NCOA7: variants seen among roughly 807,000 people sequenced by gnomAD.
The protein encoded by NCOA7 is nuclear receptor coactivator 7, also known as 140 kDa estrogen receptor-associated protein.
Under a neutral mutation model 104.3 loss-of-function variants are expected in NCOA7, and 45 were observed. The observed-to-expected ratio is 0.43, with a 90% CI of 0.34 to 0.55. NCOA7 has a LOEUF of 0.55. NCOA7 is among the 20% of genes least tolerant of loss of function. The pLI is 0.02. For missense variants in NCOA7, 1,041 were observed against 1,119.7 expected, an observed-to-expected ratio of 0.93 and a Z score of 1.00; for synonymous variants, 398 against 402.3, an observed-to-expected ratio of 0.99 and a Z score of 0.13.
chr6:125,861,743 A>G (rs975512882), intron 3 of NCOA7, among the ~76,000 whole-genome samples: 1 of 152,098 alleles, frequency 6.6e-6, no homozygotes, highest in Non-Finnish European at 1.5e-5. Flanking sequence ...AAGGAATGAA[A>G]GTGATAAGAG....
chr6:125,785,877 T>C (rs1774441640), intron 1 of NCOA7, among the ~76,000 whole-genome samples: 1 of 152,252 alleles, frequency 6.6e-6, no homozygotes, highest in South Asian at 2.1e-4. Context: ...TCCATGTCTA[T>C]ATACAGCAAT....
chr6:125,888,873 T>A, intron 8 of NCOA7, 66 bp from the exon 9 acceptor site: 1 of 1,274,860 alleles, frequency 7.8e-7, no homozygotes, highest in Non-Finnish European at 1.1e-6. Flanking sequence ...TTTTTGCCTT[T>A]CCTCCATTTT....
upstream of NCOA7, among the ~76,000 whole-genome samples, chr6:125,787,130 A>G (rs1774510075): frequency 6.6e-6 from 1 of 151,904 alleles, no homozygotes; most frequent in Non-Finnish European, 1.5e-5. Flanking sequence ...TGGAAGAAAA[A>G]AAAAAAAAAA....
chr6:125,891,135 A>G (rs912103092), intron 10 of NCOA7, among the ~76,000 whole-genome samples: 1 of 152,208 alleles, frequency 6.6e-6, no homozygotes, highest in Admixed American at 6.5e-5. Context: ...AAGGAATACT[A>G]TGGAGCAGAT....
At chr6:125,851,116 A>C (rs1182635574) in intron 2 of NCOA7, among the ~76,000 whole-genome samples, 1 of 152,130 alleles carries the variant, frequency 6.6e-6, no homozygotes, top group Non-Finnish European at 1.5e-5. Context: ...ATTATTAATT[A>C]TATGATTATT....
At chr6:125,856,789 T>G (rs1781600023) in intron 3 of NCOA7, among the ~76,000 whole-genome samples, 1 of 152,112 alleles carries the variant, frequency 6.6e-6, no homozygotes, top group African/African-American at 2.4e-5. Flanking sequence ...GCAAATACGG[T>G]AAATGAAATG....
chr6:125,823,881 G>T (rs776148042), intron 2 of NCOA7, among the ~76,000 whole-genome samples: 31 of 152,038 alleles, frequency 2.0e-4, no homozygotes, highest in Non-Finnish European at 5.9e-5. Context: ...GACTGAAATA[G>T]AAAATATCAG....
At chr6:125,926,375 A>G (rs1453554919) in intron 13 of NCOA7, among the ~76,000 whole-genome samples, 1 of 151,812 alleles carries the variant, frequency 6.6e-6, no homozygotes. Context: ...TTAAAATTCT[A>G]TGGAGGGTGT....
intron 5 of NCOA7, 47 bp downstream of exon 5, chr6:125,878,417 C>A: frequency 7.3e-7 from 1 of 1,360,956 alleles, no homozygotes; most frequent in South Asian, 1.3e-5. Flanking sequence ...CTGCATTTAT[C>A]TTTTATTGCC....
At chr6:125,911,592 G>A (rs1786556567) in intron 10 of NCOA7, among the ~76,000 whole-genome samples, 1 of 152,056 alleles carries the variant, frequency 6.6e-6, no homozygotes, top group South Asian at 2.1e-4. Flanking sequence ...TAATCCTAGG[G>A]GTTGCAGAAG....
intron 3 of NCOA7, among the ~76,000 whole-genome samples, chr6:125,857,530 C>T (rs867757724): frequency 2.6e-5 from 4 of 151,688 alleles, no homozygotes; most frequent in South Asian, 4.2e-4. Flanking sequence ...CCTCGAAGTC[C>T]GACCAGCAAT....
At position 125,855,109 on chromosome 6, in the gene NCOA7, C is replaced by T; in HGVS notation, c.140C>T (p.Thr47Ile). 6.2e-7 allele frequency: 1 copy of T among 1,612,810 alleles called. No individual in the cohort carries two copies. The highest frequency in any genetic ancestry group is 2.2e-5 in the East Asian group (1 of 44,836). ...CATACTGGGAAGGAAGATAATAATA[C>T]AGTAGTTTTAGAGCCAGACAAGTGC... ...RTHTGKEDNN[T>I]VVLEPDKCNI... The change falls in exon 3 of 16, where the codon ACA becomes ATA. Residue 47 changes from threonine (T) to isoleucine (I), a missense_variant. Thr to Ile is a moderately conservative substitution (Grantham distance 89). This residue lies in a region of NCOA7 where 914 missense variants were observed against 942.7 expected (regional missense o/e 0.97). Coordinates refer to ENST00000392477, the MANE Select transcript of NCOA7 (RefSeq NM_181782.5).
intron 1 of NCOA7, among the ~76,000 whole-genome samples, chr6:125,784,268 T>C (rs901613550): frequency 2.0e-5 from 3 of 152,190 alleles, no homozygotes; most frequent in African/African-American, 7.2e-5. Flanking sequence ...AGGTACTATG[T>C]TGGACACCAA....
chr6:125,846,263 G>A (rs1232067539), intron 2 of NCOA7, among the ~76,000 whole-genome samples: 2 of 151,932 alleles, frequency 1.3e-5, no homozygotes, highest in African/African-American at 2.4e-5. Flanking sequence ...AAATTCTGCA[G>A]TGGAAGGAAA....
In NCOA7 at chr6:125,911,711, A is replaced by G. The variant is rs1161917302; in HGVS notation, c.2097-3622A>G. Among the ~76,000 whole-genome samples the G allele has an allele frequency of 2.0e-5, 3 of 152,010 alleles. No homozygotes were observed. The South Asian group carries it at 6.2e-4, about 31-fold the overall frequency. ...AGGGTAGAGAGGAGCTGAGTCAGAA[A>G]GCATTGGTCCATTAAGCATCGTGAC... On this transcript the variant is annotated intron_variant, in intron 10 of 15. Coordinates refer to ENST00000392477, the MANE Select transcript of NCOA7 (RefSeq NM_181782.5).
chr6:125,800,734 A>G (rs1408066320), intron 1 of NCOA7, among the ~76,000 whole-genome samples: 1 of 152,196 alleles, frequency 6.6e-6, no homozygotes, highest in African/African-American at 2.4e-5. Flanking sequence ...TAATTATAAA[A>G]TGACACAAGG....
chr6:125,907,423 C>T (rs768332373), intron 10 of NCOA7, among the ~76,000 whole-genome samples: 1 of 152,222 alleles, frequency 6.6e-6, no homozygotes, highest in South Asian at 2.1e-4. Context: ...CAGAGCACAG[C>T]ACTGACGGGC....
In NCOA7 at chr6:125,855,178, A is replaced by G. The variant is rs78815147; in HGVS notation, c.209A>G (p.Lys70Arg). The change falls in exon 3 of 16, where the codon AAG (lysine) becomes AGG (arginine). Residue 70 changes from lysine to arginine, a missense_variant. Coordinates refer to ENST00000392477, the MANE Select transcript of NCOA7 (RefSeq NM_181782.5). ...EEEYMTDEKK[K>R]RKSNQLKEIR... ...GAATATATGACTGATGAGAAAAAAA[A>G]GAGAAAAAGTAATCAGTTAAAGGAG... 1 of 1,613,224 alleles carries G rather than the reference A, an allele frequency of 6.2e-7. No homozygotes were observed. The highest frequency in any genetic ancestry group is 1.1e-5 in the South Asian group (1 of 91,080).
chr6:125,912,949 T>C lies in NCOA7; in HGVS notation c.2097-2384T>C, dbSNP rs931627410. ...TTCTTATTATATGCCTTTTAAAATA[T>C]AATTTTGATGTTTGAATCATATAAA... On this transcript the variant is annotated intron_variant, in intron 10 of 15. Transcript: ENST00000392477. 2.0e-4 allele frequency among the ~76,000 whole-genome samples: 31 copies of C among 152,242 alleles called. 1 individual carries two copies. The highest frequency in any genetic ancestry group is 5.9e-5 in the Non-Finnish European group (4 of 68,046).
Sources: allele counts gnomAD v4.1 joint callset (sites outside exome capture counted in the v4.1 genomes callset), GRCh38; gene constraint gnomAD v4.1.1; regional missense constraint gnomAD v4.1.1; transcripts MANE v1.5; gene names NCBI Gene and HGNC (gene_info 2026-07-23, HGNC 2026-07-21).